DPP10: variants seen among roughly 807,000 people sequenced by gnomAD.
DPP10 encodes the protein inactive dipeptidyl peptidase 10.
DPP10 carries 33 observed loss-of-function variants against 120.9 expected under a neutral mutation model. That is an observed-to-expected ratio of 0.27 (90% CI 0.21 to 0.37). The LOEUF is 0.37. Among genes scored for constraint, DPP10 ranks in the 10% least tolerant of loss-of-function variants. DPP10 has a pLI of 1.00. For missense variants in DPP10, 816 were observed against 942.8 expected, an observed-to-expected ratio of 0.87 and a Z score of 1.76; for synonymous variants, 337 against 326.1, an observed-to-expected ratio of 1.03 and a Z score of -0.36.
intron 1 of DPP10, among the ~76,000 whole-genome samples, chr2:115,244,141 A>G (rs2058412276): frequency 6.7e-6 from 1 of 149,482 alleles, no homozygotes; most frequent in African/African-American, 2.5e-5. Flanking sequence ...TGTGACATTT[A>G]TTTTTGTGCA....
At chr2:114,765,011 G>A (rs113993069) in intron 1 of DPP10, among the ~76,000 whole-genome samples, 5 of 152,160 alleles carry the variant, frequency 3.3e-5, no homozygotes, top group African/African-American at 1.2e-4. Context: ...GCTTTTGAAT[G>A]AACATGGTTT....
At chr2:115,414,787 T>G (rs1255919810) in intron 3 of DPP10, among the ~76,000 whole-genome samples, 1 of 152,194 alleles carries the variant, frequency 6.6e-6, no homozygotes, top group Non-Finnish European at 1.5e-5. Flanking sequence ...AATGCTGATC[T>G]CTGGAATACT....
At chr2:114,482,781 G>A (rs990168907) in intron 1 of DPP10, among the ~76,000 whole-genome samples, 8 of 152,080 alleles carry the variant, frequency 5.3e-5, no homozygotes, top group African/African-American at 1.7e-4. Flanking sequence ...TGCGTATCTT[G>A]TACTTTATAT....
chr2:114,795,386 G>GTTGCCC (rs1683617865), intron 1 of DPP10, among the ~76,000 whole-genome samples: 1 of 152,114 alleles, frequency 6.6e-6, no homozygotes. Context: ...AGCCATTTGG[G>GTTGCCC]AGGCTGAGGC....
chr2:115,057,366 T>C (rs1014764231), intron 1 of DPP10, among the ~76,000 whole-genome samples: 12 of 152,186 alleles, frequency 7.9e-5, no homozygotes, highest in African/African-American at 2.7e-4. Flanking sequence ...AATGGTGAGA[T>C]GGAGGGATTT....
chr2:115,533,292 G>C (rs574939892), intron 5 of DPP10, among the ~76,000 whole-genome samples: 1 of 151,964 alleles, frequency 6.6e-6, no homozygotes, highest in African/African-American at 2.4e-5. Context: ...CCTTTAAATC[G>C]TGTCTACTAG....
intron 2 of DPP10, among the ~76,000 whole-genome samples, chr2:115,333,173 C>T (rs1009807052): frequency 1.3e-4 from 20 of 152,030 alleles, no homozygotes; most frequent in East Asian, 9.7e-4. Context: ...TTTACCATTA[C>T]GTAATGGCCT....
intron 1 of DPP10, among the ~76,000 whole-genome samples, chr2:114,482,872 T>C (rs1448885539): frequency 1.3e-5 from 2 of 152,202 alleles, no homozygotes; most frequent in Non-Finnish European, 2.9e-5. Flanking sequence ...GGATCCACAA[T>C]AACTTCAGTC....
chr2:115,158,676 G>T (rs1321399102), intron 1 of DPP10, among the ~76,000 whole-genome samples: 1 of 152,094 alleles, frequency 6.6e-6, no homozygotes, highest in Non-Finnish European at 1.5e-5. Context: ...TTCTTCCCAT[G>T]AAAAGTGTAG....
At chr2:114,748,358 TTTATTTTA>T (rs1678816138) in intron 1 of DPP10, among the ~76,000 whole-genome samples, 1 of 129,140 alleles carries the variant, frequency 7.7e-6, no homozygotes, top group Admixed American at 8.0e-5. Flanking sequence ...TTTATTTTTT[TTTATTTTA>T]TTTATTTATT....
intron 5 of DPP10, among the ~76,000 whole-genome samples, chr2:115,656,128 T>C (rs1414123647): frequency 1.5e-5 from 2 of 135,068 alleles, no homozygotes; most frequent in African/African-American, 5.7e-5. Flanking sequence ...GTTATGTTCT[T>C]ACCAAACACA....
intron 1 of DPP10, among the ~76,000 whole-genome samples, chr2:114,980,889 C>A (rs542765700): frequency 6.6e-6 from 1 of 151,802 alleles, no homozygotes. Flanking sequence ...ACGTCAATAA[C>A]GTTTTATACT....
At chr2:115,501,003 A>G (rs1452592834) in intron 4 of DPP10, among the ~76,000 whole-genome samples, 1 of 152,066 alleles carries the variant, frequency 6.6e-6, no homozygotes, top group Non-Finnish European at 1.5e-5. Flanking sequence ...ATGAGAAGGT[A>G]TGATGATAAT....
At chr2:115,484,592 G>T (rs567874686) in intron 3 of DPP10, among the ~76,000 whole-genome samples, 1 of 152,252 alleles carries the variant, frequency 6.6e-6, no homozygotes, top group Non-Finnish European at 1.5e-5. Context: ...GAAAGTGACA[G>T]GCTGTAGGGA....
chr2:114,801,048 G>A (rs1684151563), intron 1 of DPP10, among the ~76,000 whole-genome samples: 1 of 151,974 alleles, frequency 6.6e-6, no homozygotes, highest in Non-Finnish European at 1.5e-5. Flanking sequence ...CAGATCACGA[G>A]GTCAGGAGAT....
At chr2:115,348,174 A>G (rs564181192) in intron 3 of DPP10, among the ~76,000 whole-genome samples, 2 of 152,184 alleles carry the variant, frequency 1.3e-5, no homozygotes, top group South Asian at 4.2e-4. Flanking sequence ...ACCATGCCAT[A>G]CTTGGAGGTA....
At chr2:115,391,699 AAAT>A (rs1462232488) in intron 3 of DPP10, among the ~76,000 whole-genome samples, 1 of 152,004 alleles carries the variant, frequency 6.6e-6, no homozygotes, top group African/African-American at 2.4e-5. Flanking sequence ...ATAAATATAT[AAAT>A]AATTTGTCCA....
chr2:115,068,392 G>A (rs908355318), intron 1 of DPP10, among the ~76,000 whole-genome samples: 3 of 151,068 alleles, frequency 2.0e-5, no homozygotes, highest in East Asian at 1.9e-4. Flanking sequence ...TGTCTCTTCC[G>A]ATCCTTTGCC....
At chr2:114,805,052 A>G (rs1312021531) in intron 1 of DPP10, among the ~76,000 whole-genome samples, 1 of 152,138 alleles carries the variant, frequency 6.6e-6, no homozygotes, top group Non-Finnish European at 1.5e-5. Context: ...ATAATAGTGA[A>G]TAAGTCTCAC....
Sources: gnomAD v4.1 joint callset for allele counts (sites outside exome capture counted in the v4.1 genomes callset) on GRCh38, gnomAD v4.1.1 for gene constraint, MANE v1.5 for transcripts, NCBI Gene and HGNC (gene_info 2026-07-23, HGNC 2026-07-21) for gene names.